The following KLF8 variants were observed in gnomAD, a reference collection of about 807,000 sequenced individuals.
KLF8 encodes Krueppel-like factor 8.
Under a neutral mutation model 18.2 loss-of-function variants are expected in KLF8, and 10 were observed. That is an observed-to-expected ratio of 0.55 (90% CI 0.34 to 0.93). KLF8 has a LOEUF of 0.93. Among genes scored for constraint, KLF8 ranks in the 40% least tolerant of loss-of-function variants. KLF8 has a pLI of 0.02. For synonymous variants in KLF8, 109 were observed against 97.3 expected (o/e 1.12, Z -0.71); for missense variants, 264 against 277.9 (o/e 0.95, Z 0.36).
the KLF8 span, among the ~76,000 whole-genome samples, chrX:56,188,177 C>G: frequency 2.7e-5 from 3 of 111,465 alleles, no homozygotes; most frequent in African/African-American, 9.8e-5. Context: ...TCAGCAAAGT[C>G]TCAGGATACA....
At chrX:56,188,698 C>T in the KLF8 span, among the ~76,000 whole-genome samples, 84 of 111,558 alleles carry the variant, frequency 7.5e-4, no homozygotes, top group Admixed American at 5.7e-3. Flanking sequence ...CAGAATAGAG[C>T]CCTCAGAAAT....
At chrX:56,186,834 C>A in the KLF8 span, among the ~76,000 whole-genome samples, 2 of 111,930 alleles carry the variant, frequency 1.8e-5, no homozygotes, top group Admixed American at 9.5e-5. Context: ...CCAATGAGAA[C>A]AAAGACACAA....
At chrX:55,945,971 C>G in the KLF8 span, among the ~76,000 whole-genome samples, 1 of 110,963 alleles carries the variant, frequency 9.0e-6, no homozygotes, top group Non-Finnish European at 1.9e-5. Context: ...AACTGCTGCT[C>G]AATGAGATAA....
At chrX:56,033,410 A>T in the KLF8 span, among the ~76,000 whole-genome samples, 1 of 110,652 alleles carries the variant, frequency 9.0e-6, no homozygotes, top group Non-Finnish European at 1.9e-5. Flanking sequence ...TTCTTTATCA[A>T]TTTTTTTTGA....
the KLF8 span, among the ~76,000 whole-genome samples, chrX:56,195,070 T>A: frequency 9.0e-6 from 1 of 111,331 alleles, no homozygotes; most frequent in African/African-American, 3.3e-5. Context: ...CAAAACCCCA[T>A]CTGTAAGTCA....
the KLF8 span, among the ~76,000 whole-genome samples, chrX:56,040,330 T>A: frequency 8.9e-6 from 1 of 111,993 alleles, no homozygotes; most frequent in African/African-American, 3.2e-5. Flanking sequence ...CTTCCAGATT[T>A]TTCCCATTCA....
chrX:56,018,593 C>T, the KLF8 span, among the ~76,000 whole-genome samples: 1 of 111,095 alleles, frequency 9.0e-6, no homozygotes, highest in Non-Finnish European at 1.9e-5. Flanking sequence ...AAAATACACA[C>T]ACACACATCA....
At chrX:56,244,147 G>T (rs2066591011) in intron 1 of KLF8, among the ~76,000 whole-genome samples, 1 of 111,607 alleles carries the variant, frequency 9.0e-6, no homozygotes, top group South Asian at 3.8e-4. Context: ...GTGATTTGGT[G>T]GTAAGCAACT....
chrX:56,137,457 G>A, the KLF8 span, among the ~76,000 whole-genome samples: 1 of 106,048 alleles, frequency 9.4e-6, no homozygotes, highest in African/African-American at 3.5e-5. Context: ...CCTTTGTAGG[G>A]ACATGGATGA....
chrX:56,120,159 C>A, the KLF8 span, among the ~76,000 whole-genome samples: 1 of 110,683 alleles, frequency 9.0e-6, no homozygotes, highest in East Asian at 2.9e-4. Context: ...CCCAACTTAC[C>A]TAAGCTCTTC....
At chrX:56,138,306 A>G in the KLF8 span, among the ~76,000 whole-genome samples, 2 of 111,539 alleles carry the variant, frequency 1.8e-5, no homozygotes, top group Non-Finnish European at 3.8e-5. Flanking sequence ...CTCCTCCCTA[A>G]CTCATTTTAT....
At chrX:55,980,034 A>G in the KLF8 span, among the ~76,000 whole-genome samples, 1 of 112,126 alleles carries the variant, frequency 8.9e-6, no homozygotes, top group Non-Finnish European at 1.9e-5. Context: ...GGTGCTAGTT[A>G]GTATACCATT....
chrX:55,967,571 G>A, the KLF8 span, among the ~76,000 whole-genome samples: 1 of 110,994 alleles, frequency 9.0e-6, no homozygotes, highest in Non-Finnish European at 1.9e-5. Context: ...AAAAGCTGAG[G>A]GATTTCACCA....
At chrX:56,194,452 C>T in the KLF8 span, among the ~76,000 whole-genome samples, 1 of 112,181 alleles carries the variant, frequency 8.9e-6, no homozygotes, top group Non-Finnish European at 1.9e-5. Context: ...GAGCCTTGCT[C>T]ACTTCTTGTG....
chrX:56,128,800 AAAAC>A, the KLF8 span, among the ~76,000 whole-genome samples: 152 of 112,286 alleles, frequency 1.4e-3, 3 homozygotes, highest in South Asian at 4.1e-3. Flanking sequence ...AGAACAAAGC[AAAAC>A]AAACAAACAA....
the KLF8 span, among the ~76,000 whole-genome samples, chrX:56,023,204 A>G: frequency 8.9e-6 from 1 of 111,958 alleles, no homozygotes; most frequent in Admixed American, 9.5e-5. Context: ...AAGGGAATTA[A>G]GATGGTATAT....
chrX:56,000,338 G>A, the KLF8 span, among the ~76,000 whole-genome samples: 16 of 109,402 alleles, frequency 1.5e-4, no homozygotes, highest in Admixed American at 3.0e-4. Context: ...TGGTTTTAAC[G>A]TGGTACTTGC....
At chrX:56,178,624 T>G in the KLF8 span, among the ~76,000 whole-genome samples, 172 of 112,464 alleles carry the variant, frequency 1.5e-3, 2 homozygotes, top group Non-Finnish European at 2.9e-3. Flanking sequence ...TAGTTCTAAC[T>G]TTTAAGTCTT....
the KLF8 span, among the ~76,000 whole-genome samples, chrX:56,111,994 A>G: frequency 1.1e-4 from 12 of 111,874 alleles, no homozygotes; most frequent in Admixed American, 3.8e-4. Context: ...ATATACCCAA[A>G]GGGTTATAAA....
Sources: gnomAD v4.1 joint callset for allele counts (sites outside exome capture counted in the v4.1 genomes callset) on GRCh38, gnomAD v4.1.1 for gene constraint, MANE v1.5 for transcripts, NCBI Gene and HGNC (gene_info 2026-07-23, HGNC 2026-07-21) for gene names.